ZNF286A: variants seen among roughly 807,000 people sequenced by gnomAD.
ZNF286A encodes the protein zinc finger protein 286A.
Under a neutral mutation model 49.3 loss-of-function variants are expected in ZNF286A, and 34 were observed. The observed-to-expected ratio is 0.69, with a 90% CI of 0.52 to 0.92. The LOEUF (loss-of-function observed/expected upper bound fraction) is 0.92, where lower values mean the gene tolerates loss of function less well. Among genes scored for constraint, ZNF286A ranks in the 40% least tolerant of loss-of-function variants. The probability of loss-of-function intolerance (pLI) is 0.00; values close to 1 mark genes in which losing one functional copy is unlikely to be tolerated. For synonymous variants in ZNF286A, 155 were observed against 200.4 expected, an observed-to-expected ratio of 0.77 and a Z score of 1.91; for missense variants, 462 against 600.2, an observed-to-expected ratio of 0.77 and a Z score of 2.41.
At chr17:15,705,782 T>C (rs1990185778) in intron 3 of ZNF286A, among the ~76,000 whole-genome samples, 1 of 152,228 alleles carries the variant, frequency 6.6e-6, no homozygotes, top group Non-Finnish European at 1.5e-5. Flanking sequence ...TTTGTATTTT[T>C]TGTCTTATAG....
At chr17:15,712,129 C>T (rs1990716559) in intron 5 of ZNF286A, among the ~76,000 whole-genome samples, 2 of 152,208 alleles carry the variant, frequency 1.3e-5, no homozygotes, top group African/African-American at 4.8e-5. Context: ...TCCTTGGCCT[C>T]CCAAAGTGCT....
rs891822963 is a variant in ZNF286A, at chr17:15,704,905, GCGGC to G, written c.127-1474_127-1471del. 7.5e-6 allele frequency: 12 copies of G among 1,597,278 alleles called. No individual in the cohort carries two copies. The Admixed American group carries it at 2.0e-4, about 27-fold the overall frequency. On this transcript the variant is annotated intron_variant, in intron 3 of 5. Coordinates refer to ENST00000583566, the MANE Select transcript of ZNF286A (RefSeq NM_001130842.2). ...TTTCTCCACGTTGGAGTTCATGGCT[GCGGC>G]CGGCCGGGGGCGGGTCCCCCCGGCC...
chr17:15,704,051 C>CTTATTA, intron 3 of ZNF286A, among the ~76,000 whole-genome samples: 1 of 144,750 alleles, frequency 6.9e-6, no homozygotes, highest in African/African-American at 2.6e-5. Flanking sequence ...GAATAATTCT[C>CTTATTA]TTATTATTAT....
chr17:15,706,574 C>A, intron 4 of ZNF286A, 73 bp downstream of exon 4: 1 of 1,155,674 alleles, frequency 8.7e-7, no homozygotes, highest in South Asian at 1.6e-5. Flanking sequence ...AATAGCTTAA[C>A]AAAGCCTTCA....
At chr17:15,704,503 G>T in intron 3 of ZNF286A, 1 of 1,614,034 alleles carries the variant, frequency 6.2e-7, no homozygotes, top group Non-Finnish European at 8.5e-7. Context: ...CAGGCGGCCC[G>T]CCTCCTCGTT....
chr17:15,709,996 T>A, intron 5 of ZNF286A: 1 of 1,398,288 alleles, frequency 7.2e-7, no homozygotes, highest in South Asian at 1.5e-5. Flanking sequence ...TGCAAAATGA[T>A]GTTTTAAAAT....
rs1967307590 is a variant in ZNF286A at position 15,720,305 on chromosome 17, C to T, written c.*3015C>T. ...CTCTCCTTCTCTACATAGAGAAGTG[C>T]CAGAGCATCCGTCAGTAGAAGTTAC... On this transcript the variant is annotated 3_prime_UTR_variant, in exon 6 of 6. Transcript: ENST00000583566. 6.6e-6 allele frequency: 1 copy of T among 151,342 alleles called. No homozygotes were observed. Among genetic ancestry groups the T allele is most frequent in the Admixed American group, 6.6e-5 (1 of 15,190 alleles). 9.4% of individuals were successfully genotyped at this position (151,342 alleles called of 1,614,324 possible).
intron 5 of ZNF286A, among the ~76,000 whole-genome samples, chr17:15,710,449 A>G (rs1217839009): frequency 2.6e-5 from 4 of 152,188 alleles, no homozygotes; most frequent in Non-Finnish European, 5.9e-5. Flanking sequence ...GCTGAAAGCC[A>G]ATAAGTCCAG....
intron 3 of ZNF286A, among the ~76,000 whole-genome samples, chr17:15,703,732 C>T (rs1193115079): frequency 1.3e-5 from 2 of 152,096 alleles, no homozygotes; most frequent in Non-Finnish European, 2.9e-5. Flanking sequence ...TTTAAAAAAA[C>T]CTTTTTATAA....
At chr17:15,704,996 C>T in intron 3 of ZNF286A, 5 of 913,034 alleles carry the variant, frequency 5.5e-6, no homozygotes, top group Non-Finnish European at 7.7e-6. Flanking sequence ...CGCTGCGGCC[C>T]TGGAGAGGCC....
chr17:15,708,676 G>A (rs1045336221), intron 5 of ZNF286A, among the ~76,000 whole-genome samples: 24 of 152,150 alleles, frequency 1.6e-4, no homozygotes, highest in Admixed American at 5.2e-4. Flanking sequence ...AAGTTTTGAC[G>A]GTTCTTGAAC....
At chr17:15,706,898 G>A (rs190047253) in intron 4 of ZNF286A, among the ~76,000 whole-genome samples, 4 of 152,218 alleles carry the variant, frequency 2.6e-5, no homozygotes, top group African/African-American at 9.6e-5. Context: ...CCAGGGTTAC[G>A]TTATTCTTCC....
At chr17:15,708,017 A>G in intron 4 of ZNF286A, 138 bp from the exon 5 acceptor site, 1 of 495,398 alleles carries the variant, frequency 2.0e-6, no homozygotes, top group East Asian at 3.7e-5. Flanking sequence ...GTAAATTTTT[A>G]TAAATTAAAA....
chr17:15,708,603 G>T (rs563313276), intron 5 of ZNF286A, among the ~76,000 whole-genome samples: 2 of 152,042 alleles, frequency 1.3e-5, no homozygotes, highest in African/African-American at 4.8e-5. Context: ...TAGAAGCACC[G>T]GTGTGCCCTG....
At chr17:15,713,314 A>G (rs1175044506) in intron 5 of ZNF286A, among the ~76,000 whole-genome samples, 1 of 152,242 alleles carries the variant, frequency 6.6e-6, no homozygotes, top group Non-Finnish European at 1.5e-5. Context: ...TCTTTAACCA[A>G]AAAATGTTAT....
At position 15,711,865 on chromosome 17, in the gene ZNF286A, C is replaced by G. The variant is rs953502073; in HGVS notation, c.334+3618C>G. Among the ~76,000 whole-genome samples, 23 of 101,974 alleles carry G rather than the reference C, an allele frequency of 2.3e-4. 1 individual carries two copies. Among genetic ancestry groups the G allele is most frequent in the East Asian group, 9.4e-4 (3 of 3,194 alleles). 66.9% of individuals were successfully genotyped at this position (101,974 alleles called of 152,430 possible). Reference sequence around the variant, plus strand: ...TTTGCATTTATCTGTAATCTGCCCCCCCCCCGGCTTTTTTTTTTTTTTTTG... The same window carrying G: ...TTTGCATTTATCTGTAATCTGCCCCGCCCCCGGCTTTTTTTTTTTTTTTTG... On this transcript the variant is annotated intron_variant, in intron 5 of 5. Transcript: ENST00000583566.
chr17:15,717,365 G>C lies in ZNF286A; in HGVS notation c.*75G>C, dbSNP rs58734516. ...ATACTTGAGTGTTTAGGTGGAAGGC[G>C]CATCCATAATATGCATGTGAGGACC... is the stretch of plus-strand genomic sequence containing the variant. On this transcript the variant is annotated 3_prime_UTR_variant, in exon 6 of 6. Transcript: ENST00000583566. 267,445 of 1,179,890 alleles carry C rather than the reference G, an allele frequency of 0.23. 40,585 individuals carry two copies. Among genetic ancestry groups the C allele is most frequent in the South Asian group, 0.36 (21,600 of 60,310 alleles). 73.1% of individuals were successfully genotyped at this position (1,179,890 alleles called of 1,614,324 possible). A position where few individuals can be genotyped will look rare whatever the true frequency, so the allele number is the denominator to read the frequency against.
At chr17:15,709,035 A>G (rs566874935) in intron 5 of ZNF286A, among the ~76,000 whole-genome samples, 1 of 152,294 alleles carries the variant, frequency 6.6e-6, no homozygotes, top group African/African-American at 2.4e-5. Context: ...TTCTAGAGTC[A>G]TTGTACCAAT....
At chr17:15,707,432 T>TA (rs374776604) in intron 4 of ZNF286A, among the ~76,000 whole-genome samples, 57,187 of 131,598 alleles carry the variant, frequency 0.43, 11,930 homozygotes, top group East Asian at 0.63. Flanking sequence ...AGACTCTGTC[T>TA]AAAAAAAAAA....
Sources: allele counts gnomAD v4.1 joint callset (sites outside exome capture counted in the v4.1 genomes callset), GRCh38; gene constraint gnomAD v4.1.1; transcripts MANE v1.5; gene names NCBI Gene and HGNC (gene_info 2026-07-23, HGNC 2026-07-21).